Variants in ITGA8 observed in about 807,000 individuals in gnomAD.
ITGA8 encodes the protein integrin alpha-8.
ITGA8 carries 91 observed loss-of-function variants against 142.3 expected under a neutral mutation model. That is an observed-to-expected ratio of 0.64 (90% CI 0.54 to 0.76). ITGA8 has a LOEUF of 0.76. ITGA8 is among the 30% of genes least tolerant of loss of function. ITGA8 has a pLI of 0.00. For missense variants in ITGA8, 1,406 were observed against 1,327.7 expected, an observed-to-expected ratio of 1.06 and a Z score of -0.92; for synonymous variants, 505 against 485.2, an observed-to-expected ratio of 1.04 and a Z score of -0.54.
At chr10:15,640,540 C>T (rs1451664) in intron 13 of ITGA8, among the ~76,000 whole-genome samples, 140,330 of 152,272 alleles carry the variant, frequency 0.92, 65,582 homozygotes, top group Non-Finnish European at 1. Flanking sequence ...GTAGCATTTA[C>T]TGACTGAACT....
Position 15,707,045 on chromosome 10 carries a change from C to T in ITGA8, c.343+11721G>A, listed in dbSNP as rs569926659. On this transcript the variant is annotated intron_variant, in intron 2 of 29. Transcript: ENST00000378076. The stretch of plus-strand genomic sequence containing the variant: ...GGATACCACCTGGCTCCTTTCCTCA[C>T]TCAAATTAGGTCCTTGCTCAGATAT... 4.7e-4 allele frequency among the ~76,000 whole-genome samples: 72 copies of T among 152,312 alleles called. 2 individuals are homozygous for T. The highest frequency in any genetic ancestry group is 7.3e-5 in the Non-Finnish European group (5 of 68,028).
At position 15,658,991 on chromosome 10, in the gene ITGA8, G is replaced by A; in HGVS notation, c.948+8C>T. ...GATTTTATTTATTTGATATTAAAAT[G>A]TCTCTACCTGTTCTCCCGTGAAATT... On this transcript the variant is annotated splice_region_variant and intron_variant, in intron 10 of 29. Transcript: ENST00000378076. 1 of 1,552,418 alleles carries A rather than the reference G, an allele frequency of 6.4e-7. No homozygotes were observed. The highest frequency in any genetic ancestry group is 8.9e-7 in the Non-Finnish European group (1 of 1,127,446).
intron 23 of ITGA8, among the ~76,000 whole-genome samples, chr10:15,577,149 T>A (rs888642139): frequency 1.3e-5 from 2 of 152,116 alleles, no homozygotes; most frequent in African/African-American, 4.8e-5. Context: ...AGGGAAACTT[T>A]TATTTATTTA....
intron 13 of ITGA8, among the ~76,000 whole-genome samples, chr10:15,621,426 C>T (rs2131623964): frequency 6.6e-6 from 1 of 152,254 alleles, no homozygotes; most frequent in East Asian, 1.9e-4. Flanking sequence ...AGATGCATTA[C>T]ACCTATGTTT....
intron 8 of ITGA8, among the ~76,000 whole-genome samples, chr10:15,661,219 G>A (rs978191372): frequency 1.3e-5 from 2 of 152,134 alleles, no homozygotes; most frequent in African/African-American, 2.4e-5. Flanking sequence ...TCTGATCAGC[G>A]GTGGCATTAT....
rs150212990 is a variant in ITGA8, at chr10:15,604,430, T to C, written c.1971-75A>G. ...CGTGAATATTTTATTTAAGGATTTA[T>C]AGAGGAGGAAAAGAAAAATGGCAAG... On this transcript the variant is annotated intron_variant, in intron 19 of 29. Transcript: ENST00000378076. 47 of 1,267,594 alleles carry C rather than the reference T, an allele frequency of 3.7e-5. No individual in the cohort carries two copies. The African/African-American group carries it at 6.2e-4, about 17-fold the overall frequency. The allele number at this position is 1,267,594 out of a possible 1,614,324, so 78.5% of individuals were successfully genotyped here.
At chr10:15,713,361 A>C (rs1317160597) in intron 2 of ITGA8, among the ~76,000 whole-genome samples, 1 of 152,164 alleles carries the variant, frequency 6.6e-6, no homozygotes, top group Non-Finnish European at 1.5e-5. Flanking sequence ...TTTTCTGAGT[A>C]GCAAAACTTA....
chr10:15,697,187 T>C (rs1835069923), intron 2 of ITGA8, among the ~76,000 whole-genome samples: 1 of 152,196 alleles, frequency 6.6e-6, no homozygotes, highest in Non-Finnish European at 1.5e-5. Context: ...AAGATTCAAC[T>C]GTTATACACA....
intron 2 of ITGA8, among the ~76,000 whole-genome samples, chr10:15,696,435 T>C (rs578161263): frequency 6.6e-6 from 1 of 152,042 alleles, no homozygotes; most frequent in Admixed American, 6.5e-5. Flanking sequence ...AGACTAAAAT[T>C]CAATAGAAAA....
chr10:15,655,522 A>G (rs1834168005), intron 10 of ITGA8, 116 bp from the exon 11 acceptor site: 2 of 767,244 alleles, frequency 2.6e-6, no homozygotes, highest in Non-Finnish European at 2.2e-6. Flanking sequence ...ATTGAAATTC[A>G]TAGATTCTTC....
At chr10:15,581,804 A>G (rs1834412522) in intron 23 of ITGA8, among the ~76,000 whole-genome samples, 1 of 152,212 alleles carries the variant, frequency 6.6e-6, no homozygotes, top group African/African-American at 2.4e-5. Context: ...AGATGTGCAT[A>G]CATACATACA....
intron 15 of ITGA8, chr10:15,611,591 A>G (rs1203473801): frequency 1.3e-5 from 2 of 149,466 alleles, no homozygotes; most frequent in Non-Finnish European, 1.5e-5. Flanking sequence ...TCCCAGGTTC[A>G]TGCCATTCTC....
chr10:15,560,583 T>G (rs1833957150), intron 25 of ITGA8, among the ~76,000 whole-genome samples: 1 of 152,182 alleles, frequency 6.6e-6, no homozygotes, highest in Admixed American at 6.5e-5. Flanking sequence ...CATATACAGG[T>G]TACTGATTAA....
intron 25 of ITGA8, among the ~76,000 whole-genome samples, chr10:15,564,167 A>G (rs534119072): frequency 6.6e-6 from 1 of 152,322 alleles, no homozygotes; most frequent in African/African-American, 2.4e-5. Flanking sequence ...AAATAGAGGA[A>G]TGCCACTCTT....
chr10:15,679,087 C>T (rs1252003417), intron 4 of ITGA8, among the ~76,000 whole-genome samples: 2 of 152,066 alleles, frequency 1.3e-5, no homozygotes, highest in African/African-American at 2.4e-5. Context: ...CTATCTTTGA[C>T]TATATTCCAA....
intron 2 of ITGA8, among the ~76,000 whole-genome samples, chr10:15,693,305 CTT>C (rs1192345199): frequency 6.6e-6 from 1 of 152,044 alleles, no homozygotes; most frequent in African/African-American, 2.4e-5. Context: ...ACAAAATAAA[CTT>C]TTTATTCCTG....
intron 25 of ITGA8, among the ~76,000 whole-genome samples, chr10:15,571,099 T>A (rs1456950845): frequency 2.0e-5 from 3 of 152,216 alleles, no homozygotes; most frequent in Non-Finnish European, 2.9e-5. Context: ...AAGAATCTTG[T>A]GTAACACAAG....
intron 13 of ITGA8, among the ~76,000 whole-genome samples, chr10:15,623,632 G>A (rs1833532606): frequency 6.6e-6 from 1 of 152,188 alleles, no homozygotes; most frequent in South Asian, 2.1e-4. Flanking sequence ...GTTGCAGTGA[G>A]CCGAGACTGC....
intron 26 of ITGA8, among the ~76,000 whole-genome samples, chr10:15,556,254 C>G (rs2131565353): frequency 6.6e-6 from 1 of 152,014 alleles, no homozygotes; most frequent in South Asian, 2.1e-4. Context: ...GTGTGGAACT[C>G]CTGACCTCAG....
Sources: gnomAD v4.1 joint callset for allele counts (sites outside exome capture counted in the v4.1 genomes callset) on GRCh38, gnomAD v4.1.1 for gene constraint, MANE v1.5 for transcripts, NCBI Gene and HGNC (gene_info 2026-07-23, HGNC 2026-07-21) for gene names.